The following PCDH15 variants were observed in gnomAD, a reference collection of about 807,000 sequenced individuals.
PCDH15 encodes the protein protocadherin-15.
In PCDH15, 129 loss-of-function variants were observed where a neutral mutation model predicts 178.5. The ratio of observed to expected loss-of-function variants is 0.72; its 90% CI spans 0.63 to 0.84. PCDH15 has a LOEUF of 0.84. Ranked by LOEUF, PCDH15 falls within the 40% of genes least tolerant of loss-of-function variation. The pLI is 0.00. For synonymous variants in PCDH15, 800 were observed against 732.0 expected (o/e 1.09, Z -1.50); for missense variants, 2,230 against 2,099.9 (o/e 1.06, Z -1.21).
chr10:54,238,259 T>G (rs1342472570), intron 8 of PCDH15, among the ~76,000 whole-genome samples: 1 of 152,118 alleles, frequency 6.6e-6, no homozygotes, highest in Non-Finnish European at 1.5e-5. Flanking sequence ...TGTAATGTAC[T>G]TTTATACAAA....
At chr10:54,568,676 G>A (rs1279038406) in intron 2 of PCDH15, 2 of 151,952 alleles carry the variant, frequency 1.3e-5, no homozygotes. Context: ...AGGAATACAG[G>A]TAGCCTGATT....
chr10:53,940,789 T>C, intron 24 of PCDH15, 77 bp downstream of exon 24: 1 of 1,045,862 alleles, frequency 9.6e-7, no homozygotes. Context: ...TAGATAATAA[T>C]TTCAATTCAA....
At chr10:53,899,149 G>GC (rs386371397) in intron 26 of PCDH15, among the ~76,000 whole-genome samples, 11 of 149,370 alleles carry the variant, frequency 7.4e-5, no homozygotes, top group Non-Finnish European at 1.2e-4. Flanking sequence ...TTTCGGGGGG[G>GC]GGTGGTCTAG....
At chr10:54,998,216 A>G (rs539086349) in intron 2 of PCDH15, among the ~76,000 whole-genome samples, 1 of 152,248 alleles carries the variant, frequency 6.6e-6, no homozygotes, top group South Asian at 2.1e-4. Flanking sequence ...TACTTTTAAA[A>G]AATATATAGA....
At chr10:54,517,124 G>A (rs1040133238) in intron 3 of PCDH15, among the ~76,000 whole-genome samples, 5 of 152,060 alleles carry the variant, frequency 3.3e-5, no homozygotes, top group East Asian at 1.9e-4. Flanking sequence ...TTGTAAAGAC[G>A]ATCAAGGCTA....
At chr10:54,140,760 G>A (rs1169308936) in intron 14 of PCDH15, among the ~76,000 whole-genome samples, 2 of 151,738 alleles carry the variant, frequency 1.3e-5, no homozygotes, top group African/African-American at 4.8e-5. Context: ...TTGGCTCACT[G>A]CAACCTCCAC....
intron 3 of PCDH15, among the ~76,000 whole-genome samples, chr10:54,519,599 G>C (rs1254048357): frequency 6.6e-6 from 1 of 152,144 alleles, no homozygotes; most frequent in Non-Finnish European, 1.5e-5. Flanking sequence ...CATGCTCATG[G>C]ATAGGAAGAA....
intron 2 of PCDH15, among the ~76,000 whole-genome samples, chr10:54,656,669 A>T (rs1440615751): frequency 1.3e-5 from 2 of 152,134 alleles, no homozygotes; most frequent in African/African-American, 2.4e-5. Context: ...AATCAAAGGG[A>T]AACAGAGAGG....
intron 2 of PCDH15, among the ~76,000 whole-genome samples, chr10:54,637,125 C>CAAAAAAAA (rs562355701): frequency 1.3e-5 from 1 of 76,828 alleles, no homozygotes. Flanking sequence ...AATCAATCTT[C>CAAAAAAAA]AAAAAAAAAA....
intron 2 of PCDH15, among the ~76,000 whole-genome samples, chr10:55,416,100 CAAAG>C (rs946010668): frequency 6.6e-6 from 1 of 151,374 alleles, no homozygotes; most frequent in Non-Finnish European, 1.5e-5. Flanking sequence ...TCTTGACTCC[CAAAG>C]AAAGACATAT....
intron 7 of PCDH15, among the ~76,000 whole-genome samples, chr10:54,323,147 T>G (rs986619755): frequency 6.6e-5 from 10 of 152,044 alleles, no homozygotes; most frequent in Admixed American, 5.9e-4. Flanking sequence ...GAAATGCAAA[T>G]CAAAACCATA....
intron 15 of PCDH15, among the ~76,000 whole-genome samples, chr10:54,104,378 G>A (rs545678155): frequency 2.0e-5 from 3 of 152,110 alleles, no homozygotes; most frequent in Admixed American, 6.6e-5. Flanking sequence ...GACACCTGGC[G>A]AGGCTGTGAT....
At chr10:54,630,432 A>G (rs1055657096) in intron 2 of PCDH15, among the ~76,000 whole-genome samples, 2 of 152,212 alleles carry the variant, frequency 1.3e-5, no homozygotes, top group Non-Finnish European at 2.9e-5. Context: ...CTATTCAATA[A>G]ATGGTGCTAG....
At chr10:54,592,290 C>T (rs1429652480) in intron 2 of PCDH15, among the ~76,000 whole-genome samples, 1 of 151,934 alleles carries the variant, frequency 6.6e-6, no homozygotes, top group Admixed American at 6.6e-5. Context: ...CTCCTCTCTG[C>T]TCCTGTCCCC....
At chr10:53,818,980 T>TA (rs1002529879) in intron 33 of PCDH15, among the ~76,000 whole-genome samples, 40 of 151,468 alleles carry the variant, frequency 2.6e-4, no homozygotes, top group African/African-American at 7.2e-4. Flanking sequence ...AAACTGTTTG[T>TA]AAAAAAAAGT....
intron 3 of PCDH15, among the ~76,000 whole-genome samples, chr10:54,492,052 A>C (rs1244003796): frequency 3.3e-5 from 5 of 152,154 alleles, no homozygotes. Flanking sequence ...TTTAATAACC[A>C]CTCAATCTAT....
At chr10:55,331,159 T>G (rs1203220699) in intron 2 of PCDH15, among the ~76,000 whole-genome samples, 1 of 151,920 alleles carries the variant, frequency 6.6e-6, no homozygotes, top group Non-Finnish European at 1.5e-5. Context: ...AAAAACTTCC[T>G]TTGCCAAAAA....
At chr10:55,086,282 G>T (rs149140150) in intron 2 of PCDH15, among the ~76,000 whole-genome samples, 156 of 151,968 alleles carry the variant, frequency 1.0e-3, no homozygotes, top group Middle Eastern at 3.4e-3. Context: ...CTATATTAAA[G>T]TGTATTTTCT....
intron 2 of PCDH15, among the ~76,000 whole-genome samples, chr10:54,555,885 T>C (rs1284882532): frequency 6.6e-6 from 1 of 152,144 alleles, no homozygotes. Context: ...CTACTGATAT[T>C]GGCTGAATTA....
Sources: gnomAD v4.1 joint callset for allele counts (sites outside exome capture counted in the v4.1 genomes callset) on GRCh38, gnomAD v4.1.1 for gene constraint, MANE v1.5 for transcripts, NCBI Gene and HGNC (gene_info 2026-07-23, HGNC 2026-07-21) for gene names.